Variants in TMEM268 observed in about 807,000 individuals in gnomAD.
The protein encoded by TMEM268 is transmembrane protein 268.
Under a neutral mutation model 39.1 loss-of-function variants are expected in TMEM268, and 24 were observed. The ratio of observed to expected loss-of-function variants is 0.61; its 90% confidence interval spans 0.44 to 0.86. TMEM268 has a LOEUF of 0.86. TMEM268 is among the 40% of genes least tolerant of loss of function. The pLI is 0.00. For missense variants in TMEM268, 409 were observed against 428.6 expected (o/e 0.95, Z 0.40); for synonymous variants, 176 against 173.5 (o/e 1.01, Z -0.12).
rs34482578 is a variant in TMEM268, at chr9:114,624,426, C to T, written c.183C>T (p.Ala61=). The T allele has an allele frequency of 2.2e-3, 3,482 of 1,589,780 alleles. 61 individuals carry two copies. The African/African-American group carries it at 0.039, about 18-fold the overall frequency. The part of the protein sequence containing the change: ...TCAPISFDLG[A]AEEQLQTWGI... ...CACCCATCTCCTTCGACCTGGGAGC[C>T]GCAGAAGAGCAACTGCAAACTTGGG... is the stretch of plus-strand genomic sequence containing the variant. Residue 61 remains alanine (A), a synonymous_variant, in exon 3 of 9, where the codon GCC becomes GCT. Transcript: ENST00000288502.
intron 1 of TMEM268, among the ~76,000 whole-genome samples, chr9:114,614,991 G>A (rs988412920): frequency 1.3e-5 from 2 of 151,520 alleles, no homozygotes; most frequent in Non-Finnish European, 2.9e-5. Context: ...CTGCCTCCCG[G>A]GTTCAAGTGA....
In TMEM268 at chr9:114,643,553, G is replaced by T; in HGVS notation, c.*240G>T. The T allele has an allele frequency of 1.9e-6, 1 of 514,242 alleles. No homozygotes were observed. The highest frequency in any genetic ancestry group is 3.5e-6 in the Non-Finnish European group (1 of 285,486). The allele number at this position is 514,242 out of a possible 1,614,324, so 31.9% of individuals were successfully genotyped here. A position where few individuals can be genotyped will look rare whatever the true frequency, so the allele number is the denominator to read the frequency against. ...GCAGAAGCTGATGGTTACAGAGCTAGTCCCACCAAAGCTACTCTCTCTGCT... is the reference window on the plus strand; with the variant it reads ...GCAGAAGCTGATGGTTACAGAGCTATTCCCACCAAAGCTACTCTCTCTGCT... On this transcript the variant is annotated 3_prime_UTR_variant, in exon 9 of 9. Transcript: ENST00000288502.
intron 2 of TMEM268, among the ~76,000 whole-genome samples, chr9:114,621,900 C>T (rs902397761): frequency 2.0e-5 from 3 of 152,128 alleles, no homozygotes; most frequent in African/African-American, 7.2e-5. Context: ...TTGGCTTTTG[C>T]AAAGCAACAG....
upstream of TMEM268, among the ~76,000 whole-genome samples, chr9:114,609,853 A>G (rs753672740): frequency 2.5e-5 from 1 of 40,090 alleles, no homozygotes; most frequent in Non-Finnish European, 5.1e-5. Flanking sequence ...AGAAAGAAAG[A>G]AAGAGAAAGA....
chr9:114,625,112 G>A (rs1846103017), intron 3 of TMEM268, among the ~76,000 whole-genome samples: 1 of 152,190 alleles, frequency 6.6e-6, no homozygotes, highest in Admixed American at 6.6e-5. Flanking sequence ...GTGACTTTAG[G>A]AAGGTGATTT....
At position 114,624,434 on chromosome 9, in the gene TMEM268, A is replaced by G; in HGVS notation, c.191A>G (p.Glu64Gly). ...TCCTTCGACCTGGGAGCCGCAGAAGAGCAACTGCAAACTTGGGGCATCCAG... is the reference window on the plus strand; with the variant it reads ...TCCTTCGACCTGGGAGCCGCAGAAGGGCAACTGCAAACTTGGGGCATCCAG... ...PISFDLGAAEEQLQTWGIQVP... is the reference protein window; with the variant it reads ...PISFDLGAAEGQLQTWGIQVP... Residue 64 changes from glutamate (E) to glycine (G), a missense_variant, in exon 3 of 9, where the codon GAG becomes GGG. Transcript: ENST00000288502. 6.3e-7 allele frequency: 1 copy of G among 1,585,766 alleles called. No homozygotes were observed. Among genetic ancestry groups the G allele is most frequent in the Non-Finnish European group, 8.6e-7 (1 of 1,164,066 alleles).
At chr9:114,611,134 T>C (rs139807004), upstream of TMEM268, 1,073 of 152,454 alleles carry the variant, frequency 7.0e-3, 9 homozygotes, top group Non-Finnish European at 0.011. Flanking sequence ...TACTGCCTCA[T>C]CCACGGGTTC....
chr9:114,637,048 A>G lies in TMEM268; in HGVS notation c.644A>G (p.Gln215Arg). The change falls in exon 7 of 9, where the codon CAA (glutamine) becomes CGA (arginine). Residue 215 changes from glutamine (Q) to arginine (R), a missense_variant. Gln to Arg is a conservative substitution (Grantham distance 43). Coordinates refer to ENST00000288502, the MANE Select transcript of TMEM268 (RefSeq NM_153045.4). ...GTGCAGTTTTTGTCTGATCATGTTCAAGAAATGAAGACTAGCCAAGAGGTA... is the reference window on the plus strand; with the variant it reads ...GTGCAGTTTTTGTCTGATCATGTTCGAGAAATGAAGACTAGCCAAGAGGTA... Reference protein sequence around the residue: ...NCVQFLSDHVQEMKTSQESLL... With the variant: ...NCVQFLSDHVREMKTSQESLL... 2 of 1,611,782 alleles carry G rather than the reference A, an allele frequency of 1.2e-6. No homozygotes were observed. The highest frequency in any genetic ancestry group is 1.7e-5 in the Admixed American group (1 of 59,990).
At chr9:114,624,211 T>A in intron 2 of TMEM268, 139 bp from the exon 3 acceptor site, 2 of 1,446,210 alleles carry the variant, frequency 1.4e-6, no homozygotes, top group Non-Finnish European at 9.1e-7. Context: ...TCAAGAGGAT[T>A]TGAGGATGGC....
chr9:114,621,761 G>C (rs991297599), intron 2 of TMEM268, among the ~76,000 whole-genome samples: 2 of 152,134 alleles, frequency 1.3e-5, no homozygotes. Context: ...GCCCTGGGGT[G>C]GGGGAGAACA....
At chr9:114,638,229 A>G (rs898084047) in intron 7 of TMEM268, among the ~76,000 whole-genome samples, 5 of 152,174 alleles carry the variant, frequency 3.3e-5, no homozygotes, top group African/African-American at 1.2e-4. Flanking sequence ...TTTAGTGGTG[A>G]CTGGGTTTCA....
chr9:114,629,348 A>G (rs903436117), intron 5 of TMEM268, among the ~76,000 whole-genome samples: 12 of 152,362 alleles, frequency 7.9e-5, no homozygotes, highest in Admixed American at 5.2e-4. Flanking sequence ...TTTAGCTCCT[A>G]GTGGTCCTCT....
upstream of TMEM268, among the ~76,000 whole-genome samples, chr9:114,609,797 TGAAA>T (rs1439609990): frequency 3.4e-5 from 4 of 117,568 alleles, no homozygotes; most frequent in East Asian, 2.4e-4. Flanking sequence ...GAGAAAGAAA[TGAAA>T]GAAGGAAAGA....
chr9:114,640,048 C>G (rs534992813), intron 8 of TMEM268, among the ~76,000 whole-genome samples: 10 of 148,016 alleles, frequency 6.8e-5, no homozygotes, highest in Non-Finnish European at 1.5e-4. Flanking sequence ...TGTGCCCTGC[C>G]AAAATATTAA....
chr9:114,625,487 C>T (rs956440332), intron 3 of TMEM268, among the ~76,000 whole-genome samples: 1 of 148,528 alleles, frequency 6.7e-6, no homozygotes, highest in Admixed American at 6.8e-5. Flanking sequence ...CTCTGTTGCC[C>T]AGGCTGGAGT....
Position 114,637,080 on chromosome 9 carries a change from C to G in TMEM268, c.666+10C>G. 6.3e-7 allele frequency: 1 copy of G among 1,577,816 alleles called. No homozygotes were observed. The highest frequency in any genetic ancestry group is 8.7e-7 in the Non-Finnish European group (1 of 1,148,052). On this transcript the variant is annotated intron_variant, in intron 7 of 8. Coordinates refer to ENST00000288502, the MANE Select transcript of TMEM268 (RefSeq NM_153045.4). Reference sequence around the variant, plus strand: ...GAAGACTAGCCAAGAGGTAAGATATCTTCAGTGAAAAAACAAAACAAAAAC... The same window carrying G: ...GAAGACTAGCCAAGAGGTAAGATATGTTCAGTGAAAAAACAAAACAAAAAC...
chr9:114,642,228 A>G (rs1159829651), intron 8 of TMEM268, among the ~76,000 whole-genome samples: 2 of 151,798 alleles, frequency 1.3e-5, no homozygotes, highest in Non-Finnish European at 2.9e-5. Context: ...AGAAACCACC[A>G]TTTTACTTTC....
chr9:114,613,380 G>A (rs1845581653), intron 1 of TMEM268, among the ~76,000 whole-genome samples: 1 of 152,208 alleles, frequency 6.6e-6, no homozygotes, highest in Non-Finnish European at 1.5e-5. Flanking sequence ...AGGCCTTTTT[G>A]AGACTCTAGT....
intron 1 of TMEM268, among the ~76,000 whole-genome samples, 165 bp from the exon 2 acceptor site, chr9:114,616,953 C>T (rs1845740997): frequency 6.6e-6 from 1 of 152,168 alleles, no homozygotes; most frequent in Admixed American, 6.5e-5. Context: ...TCCTCCTTCT[C>T]CTCCTGGGAA....
Sources: gnomAD v4.1 joint callset for allele counts (sites outside exome capture counted in the v4.1 genomes callset) on GRCh38, gnomAD v4.1.1 for gene constraint, MANE v1.5 for transcripts, NCBI Gene and HGNC (gene_info 2026-07-23, HGNC 2026-07-21) for gene names.